IGSF10: variants seen among roughly 807,000 people sequenced by gnomAD.
IGSF10 encodes immunoglobulin superfamily member 10.
Under a neutral mutation model 128.2 loss-of-function variants are expected in IGSF10, and 126 were observed. The ratio of observed to expected loss-of-function variants is 0.98; its 90% CI spans 0.85 to 1.14. The LOEUF (loss-of-function observed/expected upper bound fraction) is 1.14, where lower values mean the gene tolerates loss of function less well. IGSF10 is among the 50% of genes most tolerant of loss of function. The pLI, the probability that IGSF10 is intolerant of heterozygous loss-of-function variation, is 0.00. For missense variants in IGSF10, 3,295 were observed against 3,149.8 expected, an observed-to-expected ratio of 1.05 and a Z score of -1.10; for synonymous variants, 1,185 against 1,146.2, an observed-to-expected ratio of 1.03 and a Z score of -0.68.
chr3:151,480,353 G>A, the IGSF10 span, among the ~76,000 whole-genome samples: 1 of 152,068 alleles, frequency 6.6e-6, no homozygotes, highest in Non-Finnish European at 1.5e-5. Flanking sequence ...TCTCTCTGCT[G>A]GAAAAAGGTA....
At chr3:151,459,872 A>G (rs1721971908) in intron 2 of IGSF10, among the ~76,000 whole-genome samples, 1 of 152,160 alleles carries the variant, frequency 6.6e-6, no homozygotes, top group African/African-American at 2.4e-5. Context: ...TTAGCTACAA[A>G]CTACACTGAG....
At chr3:151,606,704 G>A in the IGSF10 span, among the ~76,000 whole-genome samples, 1 of 152,186 alleles carries the variant, frequency 6.6e-6, no homozygotes, top group Non-Finnish European at 1.5e-5. Flanking sequence ...GTAGCATGGA[G>A]ATAGACACAC....
the IGSF10 span, among the ~76,000 whole-genome samples, chr3:151,520,904 G>A: frequency 6.6e-6 from 1 of 151,208 alleles, no homozygotes; most frequent in African/African-American, 2.4e-5. Flanking sequence ...TATAAAAAAT[G>A]GCTAAATGCC....
chr3:151,465,786 A>G (rs1286418735), upstream of IGSF10, among the ~76,000 whole-genome samples: 1 of 152,128 alleles, frequency 6.6e-6, no homozygotes, highest in Non-Finnish European at 1.5e-5. Flanking sequence ...GGGACGTTGT[A>G]CTTCTATATT....
chr3:151,559,610 A>C, the IGSF10 span, among the ~76,000 whole-genome samples: 1 of 152,172 alleles, frequency 6.6e-6, no homozygotes, highest in Non-Finnish European at 1.5e-5. Context: ...TGTAGGATCA[A>C]GGTAATTATT....
the IGSF10 span, among the ~76,000 whole-genome samples, chr3:151,595,925 T>C: frequency 1.3e-5 from 2 of 152,132 alleles, no homozygotes; most frequent in South Asian, 2.1e-4. Context: ...TTGTATTGTA[T>C]ATTAGAAATT....
At chr3:151,613,552 C>T in the IGSF10 span, among the ~76,000 whole-genome samples, 1 of 152,124 alleles carries the variant, frequency 6.6e-6, no homozygotes, top group Non-Finnish European at 1.5e-5. Context: ...TTTGACAAAC[C>T]TGACAAAAAC....
At chr3:151,560,135 T>C in the IGSF10 span, among the ~76,000 whole-genome samples, 1 of 152,258 alleles carries the variant, frequency 6.6e-6, no homozygotes, top group South Asian at 2.1e-4. Context: ...GCTTGTTACT[T>C]TGAGAAACTG....
the IGSF10 span, among the ~76,000 whole-genome samples, chr3:151,480,157 G>A: frequency 6.6e-5 from 10 of 152,060 alleles, no homozygotes; most frequent in East Asian, 3.9e-4. Flanking sequence ...AAATCCTCCC[G>A]CCAAACAGCA....
At chr3:151,483,362 G>A in the IGSF10 span, among the ~76,000 whole-genome samples, 2 of 152,126 alleles carry the variant, frequency 1.3e-5, no homozygotes, top group African/African-American at 2.4e-5. Flanking sequence ...GCTTAAAATT[G>A]CAGATTGTAA....
the IGSF10 span, among the ~76,000 whole-genome samples, chr3:151,526,681 T>TC: frequency 6.6e-6 from 1 of 152,216 alleles, no homozygotes; most frequent in Non-Finnish European, 1.5e-5. Flanking sequence ...TTGATGTTTT[T>TC]CTCATTGATC....
intron 2 of IGSF10, 54 bp from the exon 3 acceptor site, chr3:151,458,764 G>GACC: frequency 6.9e-7 from 1 of 1,445,994 alleles, no homozygotes; most frequent in Non-Finnish European, 9.6e-7. Flanking sequence ...AAAGTCCCAG[G>GACC]ACCACCACAC....
the IGSF10 span, among the ~76,000 whole-genome samples, chr3:151,562,864 G>C: frequency 6.6e-6 from 1 of 152,084 alleles, no homozygotes; most frequent in Non-Finnish European, 1.5e-5. Flanking sequence ...GGAGTGGTCG[G>C]ATGGACAGGA....
At chr3:151,611,825 A>C in the IGSF10 span, among the ~76,000 whole-genome samples, 2 of 152,340 alleles carry the variant, frequency 1.3e-5, no homozygotes, top group Admixed American at 6.5e-5. Context: ...AAGAATTATT[A>C]AGATTTATTA....
At chr3:151,598,708 A>AT in the IGSF10 span, among the ~76,000 whole-genome samples, 8 of 152,054 alleles carry the variant, frequency 5.3e-5, 1 homozygote, top group Non-Finnish European at 1.0e-4. Context: ...ACAACCATCT[A>AT]TTTTTTTTAA....
the IGSF10 span, among the ~76,000 whole-genome samples, chr3:151,531,132 GAACT>G: frequency 1.3e-5 from 2 of 152,098 alleles, no homozygotes; most frequent in African/African-American, 4.8e-5. Flanking sequence ...CCAGCAAGAA[GAACT>G]AACTATCCTA....
In IGSF10 at chr3:151,445,083, T is replaced by C. The variant is rs187220467; in HGVS notation, c.4898A>G (p.Lys1633Arg). The change falls in exon 6 of 8, where the codon AAA becomes AGA. Residue 1633 changes from lysine (K) to arginine (R), a missense_variant. Transcript: ENST00000282466. ...KKPVQEATTS[K>R]LLPFDSLSRY... ...AGACAAAGAGTCAAAGGGAAGGAGT[T>C]TGGAAGTTGTTGCTTCTTGAACTGG... is the stretch of plus-strand genomic sequence containing the variant. The C allele has an allele frequency of 1.4e-5, 22 of 1,614,196 alleles. No individual in the cohort carries two copies. Among genetic ancestry groups the C allele is most frequent in the Admixed American group, 6.7e-5 (4 of 60,026 alleles).
At chr3:151,611,650 G>GCTTT in the IGSF10 span, among the ~76,000 whole-genome samples, 1 of 152,132 alleles carries the variant, frequency 6.6e-6, no homozygotes. Flanking sequence ...CTTTCCATCA[G>GCTTT]CTTTCTTGCT....
chr3:151,607,355 C>T, the IGSF10 span, among the ~76,000 whole-genome samples: 20 of 151,760 alleles, frequency 1.3e-4, no homozygotes, highest in African/African-American at 1.9e-4. Context: ...CATTTTAGCA[C>T]GAGGTACATA....
Sources: allele counts gnomAD v4.1 joint callset (sites outside exome capture counted in the v4.1 genomes callset), GRCh38; gene constraint gnomAD v4.1.1; transcripts MANE v1.5; gene names NCBI Gene and HGNC (gene_info 2026-07-23, HGNC 2026-07-21).